Variants in CELF2 observed in about 807,000 individuals in gnomAD.
The protein encoded by CELF2 is CUGBP Elav-like family member 2, also known as CUG triplet repeat RNA-binding protein 2.
In CELF2, 8 loss-of-function variants were observed where a neutral mutation model predicts 62.6. That is an observed-to-expected ratio of 0.13 (90% CI 0.07 to 0.23). The LOEUF (loss-of-function observed/expected upper bound fraction) is 0.23. CELF2 is among the 10% of genes least tolerant of loss of function. The pLI is 1.00. For missense variants in CELF2, 333 were observed against 671.0 expected (o/e 0.50, Z 5.56); for synonymous variants, 258 against 250.0 (o/e 1.03, Z -0.30).
intron 1 of CELF2, among the ~76,000 whole-genome samples, chr10:10,865,475 A>G (rs1200783463): frequency 6.6e-6 from 1 of 152,244 alleles, no homozygotes; most frequent in Non-Finnish European, 1.5e-5. Flanking sequence ...GAAGCCTTTT[A>G]AGTCTATGTT....
At chr10:11,103,486 G>GTTTTTTTTTTTTTTTTTT (rs1300138516) in intron 1 of CELF2, among the ~76,000 whole-genome samples, 2 of 66,812 alleles carry the variant, frequency 3.0e-5, no homozygotes, top group South Asian at 5.0e-4. Context: ...TTTGTAGCCT[G>GTTTTTTTTTTTTTTTTTT]ATTTTTTTTT....
chr10:10,477,703 G>T, the CELF2 span, among the ~76,000 whole-genome samples: 1 of 150,998 alleles, frequency 6.6e-6, no homozygotes, highest in African/African-American at 2.4e-5. Flanking sequence ...TTTTTAAGAG[G>T]GAAGAAAGGA....
chr10:10,834,481 G>A (rs2058117002), intron 1 of CELF2, among the ~76,000 whole-genome samples: 2 of 152,240 alleles, frequency 1.3e-5, no homozygotes, highest in South Asian at 2.1e-4. Context: ...GGGGTGAGCT[G>A]GGCTCAAAAA....
At position 11,314,216 on chromosome 10, in the gene CELF2, G is replaced by A. The variant is rs761783945; in HGVS notation, c.1054G>A (p.Ala352Thr). Residue 352 changes from alanine to threonine, a missense_variant, in exon 10 of 13, where the codon GCT becomes ACT. Ala to Thr is a moderately conservative substitution (Grantham distance 58, BLOSUM62 0). Transcript: ENST00000633077. This position sits in a 1 kb window ranked among gnomAD's most constrained non-coding sequence, Gnocchi z 5.3. ...LTSLGTLQGL[A>T]GATVGLNNIN... ...CTCTCTCGGGACTCTGCAAGGACTG[G>A]CTGGAGCCACTGTTGGACTGAATAA... 6.2e-7 allele frequency: 1 copy of A among 1,614,168 alleles called. No homozygotes were observed.
chr10:11,086,240 A>G (rs1177660208), intron 1 of CELF2, among the ~76,000 whole-genome samples: 1 of 152,088 alleles, frequency 6.6e-6, no homozygotes, highest in Non-Finnish European at 1.5e-5. Context: ...GAGAGAGCGG[A>G]ATCTCCCCAG....
the CELF2 span, among the ~76,000 whole-genome samples, chr10:10,752,626 G>A: frequency 2.1e-5 from 3 of 140,144 alleles, no homozygotes; most frequent in Non-Finnish European, 4.5e-5. Flanking sequence ...GGAGGTGGAG[G>A]TTGCAGTGAG....
intron 1 of CELF2, among the ~76,000 whole-genome samples, chr10:11,113,524 A>G (rs2055766255): frequency 6.6e-6 from 1 of 152,230 alleles, no homozygotes; most frequent in South Asian, 2.1e-4. Context: ...TATGCTGGAG[A>G]TACAGTGGTG....
Position 11,080,509 on chromosome 10 carries a change from A to C in CELF2, c.74+62346A>C, listed in dbSNP as rs543132868. Among the ~76,000 whole-genome samples the C allele has an allele frequency of 2.6e-5, 4 of 152,370 alleles. No individual in the cohort carries two copies. In the South Asian group the frequency reaches 6.2e-4, roughly 24 times the overall value. ...TCAGAAAATGGATTCACTGATGGCT[A>C]CCTGGACATCTATAAAAATAAGTAG... On this transcript the variant is annotated intron_variant, in intron 1 of 12. Transcript: ENST00000633077.
chr10:11,080,209 T>C (rs2073614696), intron 1 of CELF2, among the ~76,000 whole-genome samples: 1 of 152,220 alleles, frequency 6.6e-6, no homozygotes, highest in African/African-American at 2.4e-5. Flanking sequence ...ATTGTGAGAA[T>C]TAAGTGAGGT....
At chr10:10,932,280 G>A (rs1352741708) in intron 2 of CELF2, among the ~76,000 whole-genome samples, 2 of 152,028 alleles carry the variant, frequency 1.3e-5, no homozygotes, top group Non-Finnish European at 2.9e-5. Flanking sequence ...GGGAGATGTT[G>A]GTCAAAAGGT....
chr10:10,471,974 G>A, the CELF2 span, among the ~76,000 whole-genome samples: 2 of 151,746 alleles, frequency 1.3e-5, no homozygotes, highest in African/African-American at 4.8e-5. Flanking sequence ...GTCAATCAAA[G>A]CCTTCTTCTC....
the CELF2 span, among the ~76,000 whole-genome samples, chr10:10,657,469 G>A: frequency 2.2e-4 from 34 of 152,174 alleles, no homozygotes; most frequent in African/African-American, 6.7e-4. Flanking sequence ...CTTTAAATGC[G>A]TGAGTTATAT....
intron 1 of CELF2, among the ~76,000 whole-genome samples, chr10:10,835,485 C>T (rs760216998): frequency 1.1e-4 from 17 of 151,738 alleles, no homozygotes; most frequent in East Asian, 3.9e-4. Context: ...CGGGTTCTAG[C>T]GATTCTCCTG....
At chr10:10,885,917 C>T (rs999525583) in intron 1 of CELF2, among the ~76,000 whole-genome samples, 4 of 152,318 alleles carry the variant, frequency 2.6e-5, no homozygotes, top group African/African-American at 7.2e-5. Context: ...AATTTAATCA[C>T]ATCTGCAAAC....
At chr10:10,506,068 C>T in the CELF2 span, among the ~76,000 whole-genome samples, 261 of 138,282 alleles carry the variant, frequency 1.9e-3, no homozygotes, top group Middle Eastern at 0.011. Flanking sequence ...AAGCAGAAGT[C>T]GGTATTCTCT....
chr10:10,906,774 G>A (rs190796568), intron 1 of CELF2, among the ~76,000 whole-genome samples: 90 of 135,596 alleles, frequency 6.6e-4, no homozygotes, highest in Non-Finnish European at 1.0e-3. Flanking sequence ...GCTGTAGTGC[G>A]GGGGCGCAAT....
chr10:11,102,304 GT>G (rs1472001732), intron 1 of CELF2: 1 of 152,176 alleles, frequency 6.6e-6, no homozygotes, highest in Non-Finnish European at 1.5e-5. Context: ...TAATTCTAAA[GT>G]AATCAATTAA....
At chr10:10,510,206 TC>T in the CELF2 span, among the ~76,000 whole-genome samples, 11 of 152,250 alleles carry the variant, frequency 7.2e-5, no homozygotes, top group Non-Finnish European at 8.8e-5. Context: ...ATCATTAGAT[TC>T]ACCTCCTATT....
intron 1 of CELF2, among the ~76,000 whole-genome samples, chr10:11,076,450 G>A (rs896586374): frequency 3.3e-5 from 5 of 152,172 alleles, no homozygotes; most frequent in East Asian, 1.9e-4. Flanking sequence ...CTTTAAATGC[G>A]CACAGCTTGC....
Sources: allele counts gnomAD v4.1 joint callset (sites outside exome capture counted in the v4.1 genomes callset), GRCh38; gene constraint gnomAD v4.1.1; non-coding constraint Gnocchi (gnomAD v3.1); transcripts MANE v1.5; gene names NCBI Gene and HGNC (gene_info 2026-07-23, HGNC 2026-07-21).